Variants in PVT1 observed in about 807,000 individuals in gnomAD.
PVT1 encodes CXCR4/PVT1 fusion.
intron 2 of PVT1, among the ~76,000 whole-genome samples, chr8:127,870,917 G>A (rs1391416739): frequency 6.6e-6 from 1 of 152,188 alleles, no homozygotes; most frequent in African/African-American, 2.4e-5. Context: ...TATGCCGTGT[G>A]TCCTATTAAC....
intron 2 of PVT1, among the ~76,000 whole-genome samples, chr8:127,856,224 T>C (rs184276070): frequency 6.6e-6 from 1 of 152,230 alleles, no homozygotes; most frequent in East Asian, 1.9e-4. Flanking sequence ...ATGTGATGTG[T>C]AGGGCTTAGG....
intron 4 of PVT1, among the ~76,000 whole-genome samples, chr8:128,034,272 A>C (rs1267791999): frequency 1.3e-5 from 2 of 151,638 alleles, no homozygotes; most frequent in Non-Finnish European, 2.9e-5. Context: ...CCAGTGAACT[A>C]AAGGTTTATA....
intron 4 of PVT1, among the ~76,000 whole-genome samples, chr8:128,000,932 G>T (rs1817170243): frequency 6.6e-6 from 1 of 152,160 alleles, no homozygotes; most frequent in Non-Finnish European, 1.5e-5. Context: ...TGTCCCCCTT[G>T]TGCCTTTTCC....
intron 4 of PVT1, among the ~76,000 whole-genome samples, chr8:128,039,274 T>G (rs1813504351): frequency 6.6e-6 from 1 of 152,162 alleles, no homozygotes; most frequent in Middle Eastern, 3.4e-3. Flanking sequence ...CTCCCACCTT[T>G]CCTTACCTGG....
intron 3 of PVT1, chr8:127,939,788 T>C (rs1247947541): frequency 1.3e-5 from 2 of 152,212 alleles, no homozygotes; most frequent in African/African-American, 4.8e-5. Flanking sequence ...TTCCATATCT[T>C]TAGAGGCCTG....
intron 3 of PVT1, among the ~76,000 whole-genome samples, chr8:127,973,988 A>AG: frequency 6.6e-6 from 1 of 152,142 alleles, no homozygotes; most frequent in East Asian, 1.9e-4. Context: ...CAGAAAAAAA[A>AG]AAAAAGAAGA....
intron 4 of PVT1, among the ~76,000 whole-genome samples, chr8:128,028,199 C>G (rs1053044513): frequency 1.3e-5 from 2 of 152,276 alleles, no homozygotes; most frequent in Non-Finnish European, 1.5e-5. Context: ...CTGGCCCGAG[C>G]GCGCAAGGCA....
At chr8:127,845,683 G>A (rs927457168) in intron 2 of PVT1, among the ~76,000 whole-genome samples, 6 of 152,170 alleles carry the variant, frequency 3.9e-5, no homozygotes, top group Middle Eastern at 3.2e-3. Flanking sequence ...AAGCCGGCAG[G>A]GGCATAAATA....
intron 5 of PVT1, among the ~76,000 whole-genome samples, chr8:128,089,432 G>A (rs1230983895): frequency 6.6e-6 from 1 of 151,972 alleles, no homozygotes; most frequent in Non-Finnish European, 1.5e-5. Flanking sequence ...CCCAATAATG[G>A]TAGTAATCCC....
intron 3 of PVT1, among the ~76,000 whole-genome samples, chr8:127,975,759 TAC>T (rs1262162355): frequency 6.6e-6 from 1 of 152,256 alleles, no homozygotes; most frequent in Non-Finnish European, 1.5e-5. Context: ...AGCTTTGAGA[TAC>T]AGCTCCTTCA....
At chr8:127,923,092 A>G (rs1389973124) in intron 3 of PVT1, among the ~76,000 whole-genome samples, 2 of 152,168 alleles carry the variant, frequency 1.3e-5, no homozygotes, top group African/African-American at 4.8e-5. Flanking sequence ...ATTATATGGT[A>G]ATCTCATTTG....
In PVT1 at chr8:128,024,598, G is replaced by A. The variant is rs1027860792; in HGVS notation, n.912+35307G>A. Among the ~76,000 whole-genome samples the A allele has an allele frequency of 7.9e-5, 12 of 152,172 alleles. No homozygotes were observed. In the South Asian group the frequency reaches 1.0e-3, roughly 13 times the overall value. On this transcript the variant is annotated intron_variant and non_coding_transcript_variant, in intron 4 of 10. Coordinates refer to ENST00000651587, the Ensembl canonical transcript of PVT1. ...GCCATGATTGTGTCACTGCACTCCA[G>A]CCTGGGTGACAGAGTAAGACCCTGT...
At chr8:127,904,329 G>A (rs946287506) in intron 3 of PVT1, among the ~76,000 whole-genome samples, 1 of 41,012 alleles carries the variant, frequency 2.4e-5, no homozygotes, top group Admixed American at 2.8e-4. Flanking sequence ...GGATATTTTT[G>A]TTCTGGTGGG....
chr8:128,052,594 C>G (rs1054729235), intron 4 of PVT1, among the ~76,000 whole-genome samples: 3 of 152,172 alleles, frequency 2.0e-5, no homozygotes, highest in African/African-American at 7.2e-5. Flanking sequence ...CCATCTTGCT[C>G]ACATTACTCT....
chr8:127,795,747 C>T lies in PVT1; in HGVS notation n.195-147C>T, dbSNP rs184824825. 5.9e-5 allele frequency: 9 copies of T among 153,356 alleles called. No individual in the cohort carries two copies. In the South Asian group the frequency reaches 1.5e-3, roughly 25 times the overall value. 9.5% of individuals were successfully genotyped at this position (153,356 alleles called of 1,614,324 possible). ...CTGTGTTGTCTGTTATAAGATGTTT[C>T]AGACCTATTTTGCATACTGGCAGCG... On this transcript the variant is annotated intron_variant and non_coding_transcript_variant, in intron 1 of 10. Coordinates refer to ENST00000651587, the Ensembl canonical transcript of PVT1.
At chr8:128,024,594 T>G (rs1817472782) in intron 4 of PVT1, among the ~76,000 whole-genome samples, 1 of 151,976 alleles carries the variant, frequency 6.6e-6, no homozygotes, top group Non-Finnish European at 1.5e-5. Context: ...GTCACTGCAC[T>G]CCAGCCTGGG....
intron 4 of PVT1, among the ~76,000 whole-genome samples, chr8:127,991,569 G>A (rs1020012202): frequency 1.3e-5 from 2 of 152,100 alleles, no homozygotes; most frequent in Non-Finnish European, 2.9e-5. Flanking sequence ...TCATATTGGG[G>A]AAAAGGGCTG....
At chr8:127,904,355 G>GGTTGATACCAGGAGAGAGGATGCAT (rs1554595723) in intron 3 of PVT1, among the ~76,000 whole-genome samples, 1 of 151,584 alleles carries the variant, frequency 6.6e-6, no homozygotes, top group Non-Finnish European at 1.5e-5. Context: ...CAGTTTTGCA[G>GGTTGATACCAGGAGAGAGGATGCAT]GTTGGTACCA....
intron 4 of PVT1, among the ~76,000 whole-genome samples, chr8:128,015,541 C>T (rs1817362553): frequency 6.6e-6 from 1 of 151,960 alleles, no homozygotes; most frequent in Admixed American, 6.6e-5. Context: ...TTTGGGAGGC[C>T]AAGGTGGTAG....
Sources: gnomAD v4.1 joint callset for allele counts (sites outside exome capture counted in the v4.1 genomes callset) on GRCh38, gnomAD v4.1.1 for gene constraint, MANE v1.5 for transcripts, NCBI Gene and HGNC (gene_info 2026-07-23, HGNC 2026-07-21) for gene names.